INPP4B: variants seen among roughly 807,000 people sequenced by gnomAD.
INPP4B encodes the protein inositol polyphosphate 4-phosphatase type II.
A neutral mutation model predicts 122.5 loss-of-function variants in INPP4B; 55 were observed. The ratio of observed to expected loss-of-function variants is 0.45; its 90% CI spans 0.36 to 0.56. INPP4B has a LOEUF of 0.56. INPP4B is among the 20% of genes least tolerant of loss of function. The probability of loss-of-function intolerance (pLI) is 0.00; values close to 1 mark genes in which losing one functional copy is unlikely to be tolerated. For synonymous variants in INPP4B, 403 were observed against 388.7 expected (o/e 1.04, Z -0.43); for missense variants, 1,000 against 1,097.7 (o/e 0.91, Z 1.26).
chr4:142,334,033 A>G (rs1212535547), intron 7 of INPP4B, among the ~76,000 whole-genome samples: 1 of 152,130 alleles, frequency 6.6e-6, no homozygotes, highest in African/African-American at 2.4e-5. Flanking sequence ...TCCTCCCCTC[A>G]GCCCCTGCCA....
At chr4:142,759,877 C>T (rs1170161008) in intron 1 of INPP4B, among the ~76,000 whole-genome samples, 1 of 135,150 alleles carries the variant, frequency 7.4e-6, no homozygotes, top group African/African-American at 2.9e-5. Context: ...TGAAGCAATT[C>T]TGGTACATAC....
intron 9 of INPP4B, among the ~76,000 whole-genome samples, chr4:142,293,216 T>C (rs1757193173): frequency 6.6e-6 from 1 of 152,010 alleles, no homozygotes; most frequent in Non-Finnish European, 1.5e-5. Flanking sequence ...TTTTTTGTAT[T>C]TTTAGTAGAG....
At chr4:142,831,035 A>T (rs1782072765) in intron 1 of INPP4B, among the ~76,000 whole-genome samples, 1 of 151,606 alleles carries the variant, frequency 6.6e-6, no homozygotes, top group Admixed American at 6.6e-5. Flanking sequence ...AAAGGAAAAA[A>T]AAAAATAGAT....
At chr4:142,346,839 T>G (rs1028859298) in intron 7 of INPP4B, among the ~76,000 whole-genome samples, 2 of 152,188 alleles carry the variant, frequency 1.3e-5, no homozygotes, top group African/African-American at 4.8e-5. Context: ...AATGACATTC[T>G]AAGAGGTAGA....
chr4:142,720,166 T>C (rs576453517), intron 2 of INPP4B, among the ~76,000 whole-genome samples: 1 of 152,290 alleles, frequency 6.6e-6, no homozygotes, highest in Admixed American at 6.5e-5. Flanking sequence ...GAACAGAAAC[T>C]GGTTTAGAAA....
At chr4:142,258,375 C>G (rs2150347490) in intron 11 of INPP4B, among the ~76,000 whole-genome samples, 1 of 151,074 alleles carries the variant, frequency 6.6e-6, no homozygotes, top group East Asian at 1.9e-4. Flanking sequence ...AACTAAAGAG[C>G]TTCTGCACAG....
In INPP4B at chr4:142,523,684, T is replaced by G. The variant is rs1270654730; in HGVS notation, c.-190-60958A>C. Among the ~76,000 whole-genome samples the G allele has an allele frequency of 2.0e-5, 3 of 151,914 alleles. No homozygotes were observed. In the South Asian group the frequency reaches 6.2e-4, roughly 32 times the overall value. ...TTTCTTTTATTATTATACTTTAAGTTTTAGGGTACATGTGCACATTGTGCA... is the reference window on the plus strand; with the variant it reads ...TTTCTTTTATTATTATACTTTAAGTGTTAGGGTACATGTGCACATTGTGCA... On this transcript the variant is annotated intron_variant, in intron 2 of 25. Coordinates refer to ENST00000262992, the MANE Select transcript of INPP4B (RefSeq NM_001101669.3).
chr4:142,709,742 G>C (rs564290291), intron 2 of INPP4B, among the ~76,000 whole-genome samples: 2 of 152,218 alleles, frequency 1.3e-5, no homozygotes, highest in Admixed American at 6.5e-5. Flanking sequence ...TTATAGCAAT[G>C]CAAGAATGGA....
intron 2 of INPP4B, among the ~76,000 whole-genome samples, chr4:142,701,688 G>T (rs1761792738): frequency 6.6e-6 from 1 of 151,878 alleles, no homozygotes; most frequent in Non-Finnish European, 1.5e-5. Flanking sequence ...TTATAATCAA[G>T]CTCAGGAGTA....
At chr4:142,209,174 T>A (rs984259991) in intron 12 of INPP4B, 148 bp from the exon 13 acceptor site, 4 of 481,286 alleles carry the variant, frequency 8.3e-6, no homozygotes, top group Non-Finnish European at 1.0e-5. Flanking sequence ...AAATATTTTT[T>A]AAAAATTATT....
intron 2 of INPP4B, among the ~76,000 whole-genome samples, chr4:142,694,804 C>A (rs1760794917): frequency 6.6e-6 from 1 of 152,164 alleles, no homozygotes. Flanking sequence ...AGCCCCTACA[C>A]TTTCCCTTAA....
At position 142,587,020 on chromosome 4, in the gene INPP4B, G is replaced by A. The variant is rs547880901; in HGVS notation, c.-190-124294C>T. Among the ~76,000 whole-genome samples the A allele has an allele frequency of 5.3e-5, 8 of 152,264 alleles. No homozygotes were observed. The South Asian group carries it at 1.2e-3, about 24-fold the overall frequency. ...CCAGAGAGCATATGGGACCTTGAAT[G>A]CTATTTTCAAAATGGGGAGGCTTTG... On this transcript the variant is annotated intron_variant, in intron 2 of 25. Transcript: ENST00000262992.
chr4:142,773,901 T>A (rs1234594951), intron 1 of INPP4B, among the ~76,000 whole-genome samples: 1 of 152,170 alleles, frequency 6.6e-6, no homozygotes, highest in Non-Finnish European at 1.5e-5. Context: ...TAGCGCTGCC[T>A]TCCAAAAGTT....
chr4:142,812,870 C>T (rs1028872773), intron 1 of INPP4B, among the ~76,000 whole-genome samples: 1 of 152,048 alleles, frequency 6.6e-6, no homozygotes, highest in Non-Finnish European at 1.5e-5. Flanking sequence ...TTAGAATACC[C>T]ATCTGGAACA....
intron 2 of INPP4B, among the ~76,000 whole-genome samples, chr4:142,531,472 T>C (rs1054753017): frequency 3.3e-5 from 5 of 152,138 alleles, no homozygotes; most frequent in African/African-American, 1.2e-4. Context: ...TTATCTAGCA[T>C]CAAAAACTTG....
At chr4:142,677,999 C>T (rs879396908) in intron 2 of INPP4B, among the ~76,000 whole-genome samples, 5 of 151,166 alleles carry the variant, frequency 3.3e-5, no homozygotes, top group Non-Finnish European at 5.9e-5. Flanking sequence ...TAAAAAAAAG[C>T]TTTTAAAAGA....
intron 1 of INPP4B, among the ~76,000 whole-genome samples, chr4:142,756,269 T>G (rs984622889): frequency 6.6e-6 from 1 of 152,224 alleles, no homozygotes. Context: ...TTGCTGAAGA[T>G]GGCAGAGTAG....
chr4:142,160,228 C>T (rs1282636699), intron 17 of INPP4B, 130 bp downstream of exon 17: 11 of 602,692 alleles, frequency 1.8e-5, no homozygotes, highest in African/African-American at 3.7e-5. Flanking sequence ...AAAAATGTGG[C>T]CTATTTATCC....
intron 11 of INPP4B, among the ~76,000 whole-genome samples, chr4:142,255,418 TAA>T (rs1260539190): frequency 6.6e-6 from 1 of 152,050 alleles, no homozygotes; most frequent in South Asian, 2.1e-4. Context: ...GCAAATTGGA[TAA>T]AGAGTCAAGA....
Sources: allele counts gnomAD v4.1 joint callset (sites outside exome capture counted in the v4.1 genomes callset), GRCh38; gene constraint gnomAD v4.1.1; transcripts MANE v1.5; gene names NCBI Gene and HGNC (gene_info 2026-07-23, HGNC 2026-07-21).